Variants in PARD3 observed in about 807,000 individuals in gnomAD.
The protein encoded by PARD3 is par-3 family cell polarity regulator, also known as partitioning defective 3 homolog.
Under a neutral mutation model 155.4 loss-of-function variants are expected in PARD3, and 75 were observed. The observed-to-expected ratio is 0.48, with a 90% CI of 0.40 to 0.58. PARD3 has a LOEUF of 0.58. PARD3 is among the 20% of genes least tolerant of loss of function. The pLI is 0.00. For missense variants in PARD3, 1,642 were observed against 1,721.7 expected, an observed-to-expected ratio of 0.95 and a Z score of 0.82; for synonymous variants, 576 against 610.5, an observed-to-expected ratio of 0.94 and a Z score of 0.83.
chr10:34,710,061 C>A (rs533151258), intron 1 of PARD3, among the ~76,000 whole-genome samples: 15 of 152,102 alleles, frequency 9.9e-5, no homozygotes, highest in African/African-American at 3.4e-4. Flanking sequence ...ATGAAATATA[C>A]CCATTGATCC....
chr10:34,401,934 C>T lies in PARD3; in HGVS notation c.715-17G>A, dbSNP rs771633982. ...ATCCTCATCCTAGAGGCAGCCAACA[C>T]AAAGAAAAGTACACTCTGTGTTAGG... On this transcript the variant is annotated splice_polypyrimidine_tract_variant and intron_variant, in intron 5 of 24. Transcript: ENST00000374788. The T allele has an allele frequency of 1.6e-5, 25 of 1,589,596 alleles. No homozygotes were observed. Among genetic ancestry groups the T allele is most frequent in the Non-Finnish European group, 2.2e-5 (25 of 1,157,784 alleles).
At chr10:34,249,593 C>G (rs1954168342) in intron 22 of PARD3, among the ~76,000 whole-genome samples, 1 of 152,134 alleles carries the variant, frequency 6.6e-6, no homozygotes, top group Non-Finnish European at 1.5e-5. Context: ...AGCTACTCTC[C>G]CCCAAAAAAC....
intron 2 of PARD3, among the ~76,000 whole-genome samples, chr10:34,522,316 C>G (rs1006254189): frequency 1.3e-5 from 2 of 152,110 alleles, no homozygotes; most frequent in Non-Finnish European, 2.9e-5. Flanking sequence ...GATATAGATT[C>G]TCCCCTAGAG....
intron 2 of PARD3, among the ~76,000 whole-genome samples, chr10:34,616,426 G>A (rs1251082685): frequency 2.6e-5 from 4 of 152,140 alleles, no homozygotes; most frequent in Non-Finnish European, 4.4e-5. Flanking sequence ...AAATATCTGC[G>A]TTCCCATGTT....
intron 3 of PARD3, among the ~76,000 whole-genome samples, chr10:34,474,464 A>G (rs1025328482): frequency 6.6e-6 from 1 of 152,224 alleles, no homozygotes; most frequent in East Asian, 1.9e-4. Context: ...TTATGATTGC[A>G]TGAAAATTAT....
intron 24 of PARD3, among the ~76,000 whole-genome samples, chr10:34,118,035 T>G (rs1010489812): frequency 6.6e-6 from 1 of 152,040 alleles, no homozygotes; most frequent in Non-Finnish European, 1.5e-5. Flanking sequence ...TGGGGGAAAT[T>G]TACTTACTCT....
chr10:34,335,176 T>C (rs1313190677), intron 18 of PARD3, among the ~76,000 whole-genome samples: 1 of 152,014 alleles, frequency 6.6e-6, no homozygotes, highest in Non-Finnish European at 1.5e-5. Flanking sequence ...GGGATAAGGC[T>C]ACGGTTAACT....
intron 22 of PARD3, among the ~76,000 whole-genome samples, chr10:34,244,223 G>A (rs1953793003): frequency 6.6e-6 from 1 of 152,088 alleles, no homozygotes; most frequent in African/African-American, 2.4e-5. Flanking sequence ...CAGTAGTTTC[G>A]CTTAGAATTT....
chr10:34,133,759 T>G (rs1947740020), intron 22 of PARD3, among the ~76,000 whole-genome samples: 1 of 152,222 alleles, frequency 6.6e-6, no homozygotes, highest in Non-Finnish European at 1.5e-5. Context: ...CTCAAAGGTT[T>G]AAGCATCTAA....
intron 2 of PARD3, among the ~76,000 whole-genome samples, chr10:34,593,143 A>C (rs2088882819): frequency 6.6e-6 from 1 of 152,210 alleles, no homozygotes; most frequent in Non-Finnish European, 1.5e-5. Context: ...GATATTGCAA[A>C]GTGATAAAGG....
chr10:34,674,765 G>A (rs926516408), intron 2 of PARD3, among the ~76,000 whole-genome samples: 5 of 152,068 alleles, frequency 3.3e-5, no homozygotes, highest in Admixed American at 2.6e-4. Flanking sequence ...GGGATTACAG[G>A]CGTGAGCCAC....
intron 4 of PARD3, among the ~76,000 whole-genome samples, chr10:34,458,118 G>A (rs1488749986): frequency 6.6e-6 from 1 of 152,160 alleles, no homozygotes; most frequent in African/African-American, 2.4e-5. Flanking sequence ...ATACTATACA[G>A]TGTTACGAAT....
chr10:34,206,419 CTTGGGCTACTAAGAT>C (rs1358385523), intron 22 of PARD3, among the ~76,000 whole-genome samples: 3 of 152,188 alleles, frequency 2.0e-5, no homozygotes, highest in Non-Finnish European at 4.4e-5. Flanking sequence ...TATGGCCTTC[CTTGGGCTACTAAGAT>C]TTGTCAGCTC....
intron 1 of PARD3, among the ~76,000 whole-genome samples, chr10:34,800,930 C>T (rs1047412371): frequency 6.6e-6 from 1 of 152,204 alleles, no homozygotes; most frequent in Non-Finnish European, 1.5e-5. Context: ...AAAGCAGCTT[C>T]ACTTCTCATC....
intron 22 of PARD3, among the ~76,000 whole-genome samples, chr10:34,210,388 T>TA (rs1174462625): frequency 8.5e-5 from 13 of 152,204 alleles, no homozygotes; most frequent in African/African-American, 2.9e-4. Flanking sequence ...TTGCCCCACA[T>TA]ACTTTGCGTG....
At chr10:34,693,625 G>T (rs113697186) in intron 2 of PARD3, among the ~76,000 whole-genome samples, 11 of 152,222 alleles carry the variant, frequency 7.2e-5, no homozygotes, top group East Asian at 1.9e-4. Context: ...ATCACCTGGG[G>T]TGACTAATCT....
At chr10:34,729,029 C>T (rs1489153007) in intron 1 of PARD3, among the ~76,000 whole-genome samples, 1 of 152,158 alleles carries the variant, frequency 6.6e-6, no homozygotes, top group African/African-American at 2.4e-5. Context: ...ACAGGCTGTA[C>T]AGGTTTGCAG....
intron 4 of PARD3, among the ~76,000 whole-genome samples, chr10:34,458,648 T>TA (rs1041543237): frequency 6.6e-6 from 1 of 152,164 alleles, no homozygotes; most frequent in African/African-American, 2.4e-5. Context: ...AGGTATAACT[T>TA]AGATTATCTT....
intron 14 of PARD3, among the ~76,000 whole-genome samples, chr10:34,352,927 C>CT (rs959085594): frequency 2.6e-5 from 4 of 151,582 alleles, no homozygotes; most frequent in African/African-American, 9.7e-5. Flanking sequence ...CGCCCATCGT[C>CT]TGAGATGTGG....
Sources: gnomAD v4.1 joint callset for allele counts (sites outside exome capture counted in the v4.1 genomes callset) on GRCh38, gnomAD v4.1.1 for gene constraint, MANE v1.5 for transcripts, NCBI Gene and HGNC (gene_info 2026-07-23, HGNC 2026-07-21) for gene names.